Variants in PROSER1 observed in about 807,000 individuals in gnomAD.
The protein encoded by PROSER1 is proline and serine-rich protein 1.
PROSER1 carries 36 observed loss-of-function variants against 71.8 expected under a neutral mutation model. The observed-to-expected ratio is 0.50, with a 90% CI of 0.38 to 0.66. The LOEUF is 0.66. PROSER1 is among the 30% of genes least tolerant of loss of function. The pLI is 0.00. For synonymous variants in PROSER1, 490 were observed against 452.4 expected, an observed-to-expected ratio of 1.08 and a Z score of -1.06; for missense variants, 1,107 against 1,135.0, an observed-to-expected ratio of 0.98 and a Z score of 0.35.
intron 4 of PROSER1, 136 bp from the exon 5 acceptor site, chr13:39,028,456 T>C (rs1870653120): frequency 4.3e-6 from 2 of 468,848 alleles, no homozygotes; most frequent in African/African-American, 4.0e-5. Flanking sequence ...TATTTACTTT[T>C]AACAGCTCAA....
In PROSER1 at chr13:39,012,816, G is replaced by C. The variant is rs777960567; in HGVS notation, c.2436C>G (p.Pro812=). ...ALPSFPGLQA[P]STVAAVTPLP... ...GTGGTGTGACAGCTGCGACTGTAGA[G>C]GGCGCCTGCAGCCCCGGGAATGAGG... The change falls in exon 11 of 13, where the codon CCC becomes CCG. Residue 812 remains proline (P), a synonymous_variant. Transcript: ENST00000352251. 6 of 1,614,198 alleles carry C rather than the reference G, an allele frequency of 3.7e-6. No individual in the cohort carries two copies. The highest frequency in any genetic ancestry group is 1.1e-5 in the South Asian group (1 of 91,082).
At chr13:39,022,081 A>T (rs532011539) in intron 9 of PROSER1, among the ~76,000 whole-genome samples, 2 of 152,334 alleles carry the variant, frequency 1.3e-5, no homozygotes, top group Admixed American at 1.3e-4. Flanking sequence ...AGGGTCACCT[A>T]ATATTCATTA....
intron 4 of PROSER1, chr13:39,028,932 G>C (rs545143248): frequency 1.1e-3 from 172 of 150,458 alleles, no homozygotes; most frequent in South Asian, 5.1e-3. Flanking sequence ...GGCAAATAAG[G>C]CTCAGAAAAA....
At chr13:39,036,637 T>C (rs1162400079) in intron 1 of PROSER1, among the ~76,000 whole-genome samples, 1 of 152,130 alleles carries the variant, frequency 6.6e-6, no homozygotes, top group Non-Finnish European at 1.5e-5. Flanking sequence ...AGCAAAAACT[T>C]GGAAAGCAGG....
In PROSER1 at chr13:39,013,575, A is replaced by G. The variant is rs772478327; in HGVS notation, c.1677T>C (p.Ser559=). 25 of 1,614,008 alleles carry G rather than the reference A, an allele frequency of 1.5e-5. 1 individual carries two copies. The Admixed American group carries it at 4.2e-4, about 27-fold the overall frequency. The change falls in exon 11 of 13, where the codon TCT becomes TCC. Residue 559 remains serine, a synonymous_variant. Coordinates refer to ENST00000352251, the MANE Select transcript of PROSER1 (RefSeq NM_025138.5). ...TSTPLTLPVQ[S]PLATAASAST... ...AAGCTGATGCAGCAGTGGCTAAAGG[A>G]GACTGTACAGGCAATGTCAGGGGAG... is the stretch of plus-strand genomic sequence containing the variant.
chr13:39,031,256 A>G (rs1176203614), intron 3 of PROSER1, among the ~76,000 whole-genome samples: 1 of 152,256 alleles, frequency 6.6e-6, no homozygotes, highest in Non-Finnish European at 1.5e-5. Context: ...AAGACTAAAT[A>G]GAAAGATGGT....
At chr13:39,012,594 T>C (rs1250826659) in intron 11 of PROSER1, 97 bp downstream of exon 11, 1 of 1,038,960 alleles carries the variant, frequency 9.6e-7, no homozygotes, top group African/African-American at 1.6e-5. Flanking sequence ...AAAAACATCA[T>C]TTAGATTTTG....
rs568365521 is a variant in PROSER1, at chr13:39,014,006, AAGC to A, written c.1243_1245del (p.Ala415del). 175 of 1,614,138 alleles carry A rather than the reference AAGC, an allele frequency of 1.1e-4. No individual in the cohort carries two copies. Among genetic ancestry groups the A allele is most frequent in the Non-Finnish European group, 1.2e-4 (140 of 1,179,998 alleles). On this transcript the variant is annotated inframe_deletion, in exon 11 of 13. Coordinates refer to ENST00000352251, the MANE Select transcript of PROSER1 (RefSeq NM_025138.5). ...GAAGCAGAATTTGGGTTGCTGGTAGAAGCAGCAGAAGAGCTGGTGGAAAAGGGG... is the reference window on the plus strand; with the variant it reads ...GAAGCAGAATTTGGGTTGCTGGTAGAAGCAGAAGAGCTGGTGGAAAAGGGG...
At chr13:39,024,447 C>T (rs1870444804) in intron 7 of PROSER1, 26 bp downstream of exon 7, 5 of 1,544,232 alleles carry the variant, frequency 3.2e-6, no homozygotes, top group Admixed American at 1.8e-5. Context: ...GGAGTTTGGG[C>T]TTGTTTCATC....
chr13:39,018,495 C>CACACAA (rs1555239008), intron 9 of PROSER1, among the ~76,000 whole-genome samples: 12 of 147,308 alleles, frequency 8.1e-5, no homozygotes, highest in Non-Finnish European at 1.2e-4. Context: ...CACACACACA[C>CACACAA]ACACACACAC....
At chr13:39,024,203 C>G (rs572651228) in intron 7 of PROSER1, among the ~76,000 whole-genome samples, 1 of 152,146 alleles carries the variant, frequency 6.6e-6, no homozygotes, top group Non-Finnish European at 1.5e-5. Context: ...CTCCACACTC[C>G]GTATCTCCAA....
chr13:39,022,157 A>T (rs1182388125), intron 9 of PROSER1, among the ~76,000 whole-genome samples, 169 bp downstream of exon 9: 1 of 152,222 alleles, frequency 6.6e-6, no homozygotes, highest in Non-Finnish European at 1.5e-5. Flanking sequence ...AGTGAAGTCC[A>T]TCAAGACTAT....
At position 39,014,073 on chromosome 13, in the gene PROSER1, A is replaced by G. The variant is rs1016232414; in HGVS notation, c.1179T>C (p.Ser393=). The change falls in exon 11 of 13, where the codon AGT becomes AGC. Residue 393 remains serine (S), a synonymous_variant. Coordinates refer to ENST00000352251, the MANE Select transcript of PROSER1 (RefSeq NM_025138.5). ...GTGCAGAAGTAGAAGCAAATGCTTC[A>G]CTGGAACCAAGAGTGGACCGTGGTG... ...GPTPRSTLGS[S]EAFASTSAPF... 2 of 1,614,112 alleles carry G rather than the reference A, an allele frequency of 1.2e-6. No homozygotes were observed. The highest frequency in any genetic ancestry group is 1.7e-6 in the Non-Finnish European group (2 of 1,180,052).
chr13:39,026,228 C>A, intron 6 of PROSER1, 49 bp downstream of exon 6: 3 of 1,178,464 alleles, frequency 2.5e-6, no homozygotes, highest in Non-Finnish European at 2.5e-6. Context: ...TTCTACACTT[C>A]ATACTTAACC....
At chr13:39,036,753 G>GC (rs1327299867) in intron 1 of PROSER1, among the ~76,000 whole-genome samples, 1 of 152,062 alleles carries the variant, frequency 6.6e-6, no homozygotes, top group Admixed American at 6.5e-5. Context: ...CATGGCCAAC[G>GC]CAACAAATAT....
chr13:39,012,618 T>C (rs1869717606), intron 11 of PROSER1, 73 bp downstream of exon 11: 3 of 1,193,664 alleles, frequency 2.5e-6, no homozygotes, highest in South Asian at 1.5e-5. Context: ...TTCATTTTGA[T>C]GACTTGAAAT....
intron 7 of PROSER1, 127 bp downstream of exon 7, chr13:39,024,346 C>T (rs943068358): frequency 1.5e-6 from 1 of 660,144 alleles, no homozygotes; most frequent in Non-Finnish European, 2.7e-6. Flanking sequence ...CATTCACTCT[C>T]TCACTCTCCT....
At chr13:39,025,338 A>G (rs1049424442) in intron 6 of PROSER1, among the ~76,000 whole-genome samples, 4 of 152,168 alleles carry the variant, frequency 2.6e-5, no homozygotes. Flanking sequence ...ACTAGTGTGG[A>G]AGCCAACTCC....
At chr13:39,030,553 T>C (rs1026997854) in intron 3 of PROSER1, among the ~76,000 whole-genome samples, 3 of 152,066 alleles carry the variant, frequency 2.0e-5, no homozygotes, top group Non-Finnish European at 4.4e-5. Context: ...TCCTGGGTAG[T>C]TAGGACTAAA....
Sources: allele counts gnomAD v4.1 joint callset (sites outside exome capture counted in the v4.1 genomes callset), GRCh38; gene constraint gnomAD v4.1.1; transcripts MANE v1.5; gene names NCBI Gene and HGNC (gene_info 2026-07-23, HGNC 2026-07-21).